Variants in DHRSX observed in about 807,000 individuals in gnomAD.
DHRSX encodes polyprenol dehydrogenase.
A neutral mutation model predicts 34.0 loss-of-function variants in DHRSX; 31 were observed. The observed-to-expected ratio is 0.91, with a 90% CI of 0.69 to 1.23. DHRSX has a LOEUF of 1.23. Ranked by LOEUF, DHRSX falls within the 50% of genes most tolerant of loss-of-function variation. The pLI is 0.00. For synonymous variants in DHRSX, 201 were observed against 183.8 expected (o/e 1.09, Z -0.76); for missense variants, 414 against 428.1 (o/e 0.97, Z 0.29).
chrX:2,450,083 T>C (rs190246771), intron 1 of DHRSX, among the ~76,000 whole-genome samples: 8 of 152,010 alleles, frequency 5.3e-5, no homozygotes, highest in African/African-American at 1.9e-4. Flanking sequence ...AGATCTGAAT[T>C]GTTTCTCCAC....
intron 3 of DHRSX, among the ~76,000 whole-genome samples, chrX:2,342,750 T>A (rs1258937720): frequency 6.6e-6 from 1 of 152,142 alleles, no homozygotes; most frequent in Non-Finnish European, 1.5e-5. Flanking sequence ...AAAGTTAAGC[T>A]ACAGACTCTG....
At chrX:2,474,672 C>T (rs1219295240) in intron 1 of DHRSX, among the ~76,000 whole-genome samples, 2 of 140,898 alleles carry the variant, frequency 1.4e-5, no homozygotes, top group African/African-American at 2.7e-5. Flanking sequence ...CACTGCTGTG[C>T]ACACACTGAA....
chrX:2,258,992 T>C (rs1362554004), intron 5 of DHRSX, among the ~76,000 whole-genome samples: 1 of 151,902 alleles, frequency 6.6e-6, no homozygotes, highest in Non-Finnish European at 1.5e-5. Context: ...TAGGGGGAAG[T>C]GGCCGGGCGC....
chrX:2,439,761 T>C (rs1024478598), intron 1 of DHRSX, among the ~76,000 whole-genome samples: 1 of 152,060 alleles, frequency 6.6e-6, no homozygotes, highest in Non-Finnish European at 1.5e-5. Flanking sequence ...CACAGTAGGG[T>C]TCATGCTCCT....
intron 5 of DHRSX, among the ~76,000 whole-genome samples, chrX:2,265,475 A>G (rs1314902883): frequency 1.6e-5 from 2 of 126,194 alleles, no homozygotes; most frequent in Admixed American, 7.7e-5. Flanking sequence ...CCAGAGCACC[A>G]GTGTCCAGCA....
rs184388618 is a variant in DHRSX, at chrX:2,378,962, G to A, written c.286+29783C>T. On this transcript the variant is annotated intron_variant, in intron 3 of 6. Transcript: ENST00000334651. ...GTTAGGATTACAGGCGTGAGCCACC[G>A]CGCCCGGCCTTTGGCTTACTTTATT... 9.1e-3 allele frequency among the ~76,000 whole-genome samples: 1,387 copies of A among 152,212 alleles called. 33 individuals are homozygous for A. In the East Asian group the frequency reaches 0.093, roughly 10 times the overall value.
intron 3 of DHRSX, among the ~76,000 whole-genome samples, chrX:2,392,765 T>TATAA (rs367744512): frequency 0.77 from 108,251 of 140,272 alleles, 42,001 homozygotes; most frequent in African/African-American, 0.82. Flanking sequence ...ATATACTAAA[T>TATAA]ATATATACTA....
At chrX:2,419,252 G>T (rs1298572314) in intron 2 of DHRSX, among the ~76,000 whole-genome samples, 1 of 152,092 alleles carries the variant, frequency 6.6e-6, no homozygotes, top group East Asian at 1.9e-4. Context: ...CCCCATCCAG[G>T]TTCCACCATG....
intron 1 of DHRSX, among the ~76,000 whole-genome samples, chrX:2,450,879 G>C (rs940118874): frequency 6.6e-6 from 1 of 152,032 alleles, no homozygotes; most frequent in Non-Finnish European, 1.5e-5. Flanking sequence ...AGACTTGGGA[G>C]GTGATGAGAT....
At chrX:2,450,270 C>G (rs1187355944) in intron 1 of DHRSX, among the ~76,000 whole-genome samples, 1 of 152,068 alleles carries the variant, frequency 6.6e-6, no homozygotes, top group Non-Finnish European at 1.5e-5. Context: ...TTCTGAATTT[C>G]TCAATGCTTA....
intron 3 of DHRSX, among the ~76,000 whole-genome samples, chrX:2,345,729 C>G (rs1432206955): frequency 1.3e-5 from 2 of 151,600 alleles, no homozygotes; most frequent in Non-Finnish European, 2.9e-5. Flanking sequence ...GTGGGTGGGC[C>G]TGGTCCAATC....
chrX:2,257,900 T>C (rs2041300970), intron 5 of DHRSX, among the ~76,000 whole-genome samples: 1 of 152,070 alleles, frequency 6.6e-6, no homozygotes, highest in African/African-American at 2.4e-5. Context: ...GTGCTGGGAT[T>C]ACAGGCATGA....
At chrX:2,299,633 TCACCTGAGG>T in intron 3 of DHRSX, among the ~76,000 whole-genome samples, 1 of 152,190 alleles carries the variant, frequency 6.6e-6, no homozygotes, top group South Asian at 2.1e-4. Context: ...GATGGGTGGA[TCACCTGAGG>T]TCAGGAGTTC....
Position 2,408,776 on chromosome X carries a change from G to C in DHRSX, c.255C>G (p.Ser85Arg), listed in dbSNP as rs765246609. Residue 85 changes from serine (S) to arginine (R), a missense_variant, in exon 3 of 7, where the codon AGC becomes AGG. By Grantham distance (110) the Ser-to-Arg change is moderately radical (BLOSUM62 -1). Transcript: ENST00000334651. The part of the protein sequence containing the change: ...NNDSKAKQVV[S>R]KIKEETLNDK... ...CGTTCAAGGTTTCTTCTTTTATTTT[G>C]CTTACAACTTGTTTGGCTTTGCTGT... 8 of 1,610,804 alleles carry C rather than the reference G, an allele frequency of 5.0e-6. No homozygotes were observed. The Admixed American group carries it at 1.3e-4, about 27-fold the overall frequency.
At chrX:2,224,346 G>A (rs2015587988) in intron 6 of DHRSX, among the ~76,000 whole-genome samples, 1 of 152,192 alleles carries the variant, frequency 6.6e-6, no homozygotes, top group African/African-American at 2.4e-5. Flanking sequence ...TCCCCTGTGG[G>A]CAGTGTCTGG....
At chrX:2,294,782 G>A (rs1378708252) in intron 3 of DHRSX, among the ~76,000 whole-genome samples, 5 of 146,212 alleles carry the variant, frequency 3.4e-5, no homozygotes, top group East Asian at 2.0e-4. Context: ...GAGAGAGAGA[G>A]GAAAAAGAGA....
intron 1 of DHRSX, among the ~76,000 whole-genome samples, chrX:2,473,362 G>A (rs761990985): frequency 3.0e-4 from 46 of 152,252 alleles, no homozygotes; most frequent in South Asian, 1.7e-3. Context: ...GGGGGCTCAC[G>A]CCTGTCATCC....
rs1384210859 is a variant in DHRSX at position 2,403,008 on chromosome X, A to G, written c.286+5737T>C. Among the ~76,000 whole-genome samples the G allele has an allele frequency of 2.0e-5, 3 of 148,900 alleles. No individual in the cohort carries two copies. The Admixed American group carries it at 2.0e-4, about 10-fold the overall frequency. ...AGCAATTCTCCTGCTTCAGCCTCCC[A>G]AGTAGCTGGGACTACAGGTGTGCAC... On this transcript the variant is annotated intron_variant, in intron 3 of 6. Coordinates refer to ENST00000334651, the MANE Select transcript of DHRSX (RefSeq NM_145177.3).
At chrX:2,438,759 G>T (rs1262980485) in intron 1 of DHRSX, among the ~76,000 whole-genome samples, 2 of 151,514 alleles carry the variant, frequency 1.3e-5, no homozygotes, top group Non-Finnish European at 2.9e-5. Flanking sequence ...GAGAGAGCAG[G>T]TGGAGCTTCA....
Sources: gnomAD v4.1 joint callset for allele counts (sites outside exome capture counted in the v4.1 genomes callset) on GRCh38, gnomAD v4.1.1 for gene constraint, MANE v1.5 for transcripts, NCBI Gene and HGNC (gene_info 2026-07-23, HGNC 2026-07-21) for gene names.